The following NAPG variants were observed in gnomAD, a reference collection of about 807,000 sequenced individuals.
NAPG encodes the protein NSF attachment protein gamma, also known as gamma-soluble NSF attachment protein.
NAPG carries 25 observed loss-of-function variants against 48.4 expected under a neutral mutation model. The ratio of observed to expected loss-of-function variants is 0.52; its 90% CI spans 0.38 to 0.72. NAPG has a LOEUF of 0.72. Among genes scored for constraint, NAPG ranks in the 30% least tolerant of loss-of-function variants. The pLI is 0.00. For synonymous variants in NAPG, 139 were observed against 127.2 expected (o/e 1.09, Z -0.62); for missense variants, 359 against 372.5 (o/e 0.96, Z 0.30).
In NAPG at chr18:10,534,294, A is replaced by G. The variant is rs2031988164; in HGVS notation, c.228-172A>G. 6.6e-6 allele frequency among the ~76,000 whole-genome samples: 1 copy of G among 152,214 alleles called. No individual in the cohort carries two copies. The highest frequency in any genetic ancestry group is 2.1e-4 in the South Asian group (1 of 4,824). On this transcript the variant is annotated intron_variant, in intron 4 of 11. Transcript: ENST00000322897. The surrounding 1 kb of genome is among the most constrained non-coding windows in gnomAD (Gnocchi z 5.0). ...GATGTTCTAAGCCATTATTCCCCAC[A>G]AAAAAAGAATAAAAAATTATATTGT...
At chr18:10,547,859 C>G (rs192620461) in intron 9 of NAPG, among the ~76,000 whole-genome samples, 1 of 152,312 alleles carries the variant, frequency 6.6e-6, no homozygotes, top group Admixed American at 6.5e-5. Flanking sequence ...ACTCATACAT[C>G]TTTTTCCTAG....
chr18:10,537,636 T>C (rs546395969), intron 5 of NAPG, among the ~76,000 whole-genome samples: 1 of 152,236 alleles, frequency 6.6e-6, no homozygotes, highest in Non-Finnish European at 1.5e-5. Context: ...TCAGGACTAA[T>C]GTGTCTGAGA....
Position 10,543,282 on chromosome 18 carries a change from A to C in NAPG, c.506+2883A>C, listed in dbSNP as rs922035879. ...ATCCCTCCTAGAAGACTCACTTAGCAAAGAAAAGAGCTGCTTCTCACCAGT... is the reference window on the plus strand; with the variant it reads ...ATCCCTCCTAGAAGACTCACTTAGCCAAGAAAAGAGCTGCTTCTCACCAGT... On this transcript the variant is annotated intron_variant, in intron 8 of 11. Coordinates refer to ENST00000322897, the MANE Select transcript of NAPG (RefSeq NM_003826.3). The surrounding 1 kb of genome is among the most constrained non-coding windows in gnomAD (Gnocchi z 4.4). Among the ~76,000 whole-genome samples, 1 of 152,172 alleles carries C rather than the reference A, an allele frequency of 6.6e-6. No homozygotes were observed. The highest frequency in any genetic ancestry group is 2.4e-5 in the African/African-American group (1 of 41,436).
Position 10,551,524 on chromosome 18 carries a change from G to A in NAPG, c.*1304G>A, listed in dbSNP as rs573685076. ...ACATTCCTTTTTCACCCTGTTGTGT[G>A]GCTTAGACCCATCTCGTAATCTGTT... On this transcript the variant is annotated 3_prime_UTR_variant, in exon 12 of 12. Transcript: ENST00000322897. The A allele has an allele frequency of 8.0e-4, 122 of 152,298 alleles. No homozygotes were observed. Among genetic ancestry groups the A allele is most frequent in the African/African-American group, 2.9e-3 (121 of 41,556 alleles). The allele number at this position is 152,298 out of a possible 1,614,324, so 9.4% of individuals were successfully genotyped here. A position where few individuals can be genotyped will look rare whatever the true frequency, so the allele number is the denominator to read the frequency against.
rs2032371533 is a variant in NAPG at position 10,550,732 on chromosome 18, A to G, written c.*512A>G. The G allele has an allele frequency of 2.6e-5, 4 of 152,828 alleles. No homozygotes were observed. 9.5% of individuals were successfully genotyped at this position (152,828 alleles called of 1,614,324 possible). A position where few individuals can be genotyped will look rare whatever the true frequency, so the allele number is the denominator to read the frequency against. ...ATTATTAAGTCTTTTCAGAGATGAG[A>G]TGGGGACAGGAAGTTATTTTGAGCC... is the stretch of plus-strand genomic sequence containing the variant. On this transcript the variant is annotated 3_prime_UTR_variant, in exon 12 of 12. Transcript: ENST00000322897.
chr18:10,542,859 C>T lies in NAPG; in HGVS notation c.506+2460C>T, dbSNP rs1315211050. Among the ~76,000 whole-genome samples, 1 of 152,080 alleles carries T rather than the reference C, an allele frequency of 6.6e-6. No individual in the cohort carries two copies. Among genetic ancestry groups the T allele is most frequent in the Non-Finnish European group, 1.5e-5 (1 of 68,010 alleles). On this transcript the variant is annotated intron_variant, in intron 8 of 11. Transcript: ENST00000322897. This position sits in a 1 kb window ranked among gnomAD's most constrained non-coding sequence, Gnocchi z 4.5. ...TAGATTACATCTGGGAAAAGTCAGT[C>T]CAAGGCCAGTGCCCTTGTTCCTTTT...
At chr18:10,531,362 A>C (rs147321999) in intron 2 of NAPG, among the ~76,000 whole-genome samples, 104 of 152,336 alleles carry the variant, frequency 6.8e-4, no homozygotes, top group African/African-American at 2.4e-3. Flanking sequence ...ATAAGATATA[A>C]ACAATCTAAA....
intron 8 of NAPG, among the ~76,000 whole-genome samples, chr18:10,545,801 G>A (rs1049299026): frequency 6.6e-6 from 1 of 152,256 alleles, no homozygotes; most frequent in Non-Finnish European, 1.5e-5. Context: ...GAAGACTGAA[G>A]ATGCAGGAAG....
At chr18:10,531,015 G>T (rs2031917597) in intron 2 of NAPG, among the ~76,000 whole-genome samples, 178 bp downstream of exon 2, 1 of 151,662 alleles carries the variant, frequency 6.6e-6, no homozygotes, top group Non-Finnish European at 1.5e-5. Flanking sequence ...GATGTGTTGA[G>T]AGCTGAGTCA....
chr18:10,541,052 C>G (rs2032146405), intron 8 of NAPG, among the ~76,000 whole-genome samples: 1 of 151,994 alleles, frequency 6.6e-6, no homozygotes, highest in African/African-American at 2.4e-5. Flanking sequence ...CAGAAAACAC[C>G]CAAGATCCAT....
intron 1 of NAPG, 80 bp downstream of exon 1, chr18:10,526,238 G>GGGCTTGCCC: frequency 1.2e-6 from 1 of 858,074 alleles, no homozygotes. Context: ...CCCGGGGGGG[G>GGGCTTGCCC]CGGGAGGGAG....
At position 10,544,544 on chromosome 18, in the gene NAPG, T is replaced by A. The variant is rs1354461448; in HGVS notation, c.507-1782T>A. On this transcript the variant is annotated intron_variant, in intron 8 of 11. Coordinates refer to ENST00000322897, the MANE Select transcript of NAPG (RefSeq NM_003826.3). The surrounding 1 kb of genome is among the most constrained non-coding windows in gnomAD (Gnocchi z 5.1). ...CTGGCCGTGTGCCCCCATTGGTGGT[T>A]CACAGCATGGCAGTTTGCTGCTAAT... Among the ~76,000 whole-genome samples, 1 of 152,226 alleles carries A rather than the reference T, an allele frequency of 6.6e-6. No individual in the cohort carries two copies. Among genetic ancestry groups the A allele is most frequent in the African/African-American group, 2.4e-5 (1 of 41,458 alleles).
intron 11 of NAPG, 79 bp downstream of exon 11, chr18:10,549,175 G>T: frequency 6.7e-7 from 1 of 1,487,072 alleles, no homozygotes; most frequent in South Asian, 1.4e-5. Flanking sequence ...TTTTACCCAT[G>T]TACTTAAGAG....
rs2032170299 is a variant in NAPG, at chr18:10,542,171, T to G, written c.506+1772T>G. 6.6e-6 allele frequency among the ~76,000 whole-genome samples: 1 copy of G among 151,944 alleles called. No individual in the cohort carries two copies. The highest frequency in any genetic ancestry group is 2.1e-4 in the South Asian group (1 of 4,804). ...CAGAAGTGAGAATGCTGCGTAGATG[T>G]GCTCAAAGGGCACATTTATAAATCC... On this transcript the variant is annotated intron_variant, in intron 8 of 11. Coordinates refer to ENST00000322897, the MANE Select transcript of NAPG (RefSeq NM_003826.3). This position sits in a 1 kb window ranked among gnomAD's most constrained non-coding sequence, Gnocchi z 4.5.
At chr18:10,541,292 G>T (rs1035624474) in intron 8 of NAPG, among the ~76,000 whole-genome samples, 14 of 152,132 alleles carry the variant, frequency 9.2e-5, no homozygotes, top group African/African-American at 3.4e-4. Context: ...AAATGGAATA[G>T]AAATTTCATT....
At position 10,534,500 on chromosome 18, in the gene NAPG, A is replaced by G. The variant is rs1271070456; in HGVS notation, c.258+4A>G. On this transcript the variant is annotated splice_donor_region_variant and intron_variant, in intron 5 of 11. Transcript: ENST00000322897. The surrounding 1 kb of genome is among the most constrained non-coding windows in gnomAD (Gnocchi z 5.0). ...GCAAGCTGGAATGATGTTGAAGGTC[A>G]GTAATGTTATGTCACAATTGTTGTG... is the stretch of plus-strand genomic sequence containing the variant. 6.2e-7 allele frequency: 1 copy of G among 1,612,674 alleles called. No homozygotes were observed.
chr18:10,526,782 CT>C (rs1392354912), intron 1 of NAPG: 3 of 152,302 alleles, frequency 2.0e-5, no homozygotes, highest in African/African-American at 7.2e-5. Flanking sequence ...AGTAGGCACC[CT>C]GCAAATGTTT....
intron 11 of NAPG, 120 bp downstream of exon 11, chr18:10,549,216 G>T (rs1555613876): frequency 8.5e-7 from 1 of 1,171,586 alleles, no homozygotes; most frequent in Non-Finnish European, 1.2e-6. Context: ...TTCTTCTCAA[G>T]CTACTACTCA....
At chr18:10,540,222 T>G in intron 7 of NAPG, 107 bp from the exon 8 acceptor site, 1 of 1,096,240 alleles carries the variant, frequency 9.1e-7, no homozygotes, top group Middle Eastern at 2.0e-4. Flanking sequence ...AGCTTTCGTG[T>G]TCCCCCCTTG....
Sources: gnomAD v4.1 joint callset for allele counts (sites outside exome capture counted in the v4.1 genomes callset) on GRCh38, gnomAD v4.1.1 for gene constraint, Gnocchi (gnomAD v3.1) non-coding constraint, MANE v1.5 for transcripts, NCBI Gene and HGNC (gene_info 2026-07-23, HGNC 2026-07-21) for gene names.